AGTPBP1: variants seen among roughly 807,000 people sequenced by gnomAD.
The protein encoded by AGTPBP1 is ATP/GTP binding carboxypeptidase 1, also known as cytosolic carboxypeptidase 1.
AGTPBP1 carries 70 observed loss-of-function variants against 143.9 expected under a neutral mutation model. The ratio of observed to expected loss-of-function variants is 0.49; its 90% CI spans 0.40 to 0.59. AGTPBP1 has a LOEUF of 0.59. AGTPBP1 is among the 20% of genes least tolerant of loss of function. AGTPBP1 has a pLI of 0.00. For missense variants in AGTPBP1, 1,229 were observed against 1,464.5 expected (o/e 0.84, Z 2.62); for synonymous variants, 463 against 500.2 (o/e 0.93, Z 0.99).
intron 23 of AGTPBP1, among the ~76,000 whole-genome samples, chr9:85,584,433 C>A (rs1339987228): frequency 6.6e-6 from 1 of 152,132 alleles, no homozygotes; most frequent in Non-Finnish European, 1.5e-5. Flanking sequence ...GTAGCTTCCA[C>A]AGAAAGGCTA....
intron 5 of AGTPBP1, among the ~76,000 whole-genome samples, chr9:85,678,123 C>T (rs893906481): frequency 1.3e-5 from 2 of 152,120 alleles, no homozygotes; most frequent in African/African-American, 4.8e-5. Context: ...AGGTTCAAGG[C>T]TGTGAAATAC....
At chr9:85,634,193 C>T (rs1318905091) in intron 13 of AGTPBP1, among the ~76,000 whole-genome samples, 1 of 56,320 alleles carries the variant, frequency 1.8e-5, no homozygotes, top group African/African-American at 5.7e-5. Flanking sequence ...GACTCTCTCT[C>T]AAAAAAAAAA....
chr9:85,787,521 G>A, the AGTPBP1 span, among the ~76,000 whole-genome samples: 73 of 152,184 alleles, frequency 4.8e-4, no homozygotes, highest in African/African-American at 1.7e-3. Context: ...CACTGGGGCT[G>A]TAAATATGTC....
intron 25 of AGTPBP1, among the ~76,000 whole-genome samples, chr9:85,569,593 C>G (rs1399084354): frequency 6.6e-6 from 1 of 152,066 alleles, no homozygotes; most frequent in Non-Finnish European, 1.5e-5. Context: ...TTTACTCTAT[C>G]TGTATTATAT....
chr9:85,718,098 T>A (rs1231744580), intron 1 of AGTPBP1, among the ~76,000 whole-genome samples: 1 of 152,218 alleles, frequency 6.6e-6, no homozygotes, highest in Non-Finnish European at 1.5e-5. Flanking sequence ...TATGGGTTGG[T>A]TCCAAGTCTT....
At chr9:85,670,867 A>G (rs968909391) in intron 7 of AGTPBP1, among the ~76,000 whole-genome samples, 1 of 152,066 alleles carries the variant, frequency 6.6e-6, no homozygotes, top group African/African-American at 2.4e-5. Flanking sequence ...TTTCATGTCT[A>G]TACTGTATTC....
Position 85,557,404 on chromosome 9 carries a change from T to C in AGTPBP1, c.3504-10118A>G, listed in dbSNP as rs563972367. Among the ~76,000 whole-genome samples, 11 of 152,314 alleles carry C rather than the reference T, an allele frequency of 7.2e-5. No individual in the cohort carries two copies. In the East Asian group the frequency reaches 2.1e-3, roughly 29 times the overall value. ...AGCACAAATACAAATGGAGCACTTT[T>C]AGTTATAAGCAACTACGATTTCCAA... On this transcript the variant is annotated intron_variant, in intron 25 of 25. Coordinates refer to ENST00000357081, the MANE Select transcript of AGTPBP1 (RefSeq NM_001330701.2).
intron 25 of AGTPBP1, among the ~76,000 whole-genome samples, chr9:85,557,749 A>G (rs1213514298): frequency 6.6e-6 from 1 of 152,250 alleles, no homozygotes; most frequent in East Asian, 1.9e-4. Context: ...CTCAGAAGAC[A>G]GAGTTCCTAT....
At chr9:85,722,733 C>T (rs1210629980) in intron 1 of AGTPBP1, among the ~76,000 whole-genome samples, 1 of 152,190 alleles carries the variant, frequency 6.6e-6, no homozygotes, top group Non-Finnish European at 1.5e-5. Context: ...GAACTGCAAT[C>T]CTTTGGAGGA....
At chr9:85,693,881 A>G (rs906077104) in intron 2 of AGTPBP1, among the ~76,000 whole-genome samples, 1 of 152,124 alleles carries the variant, frequency 6.6e-6, no homozygotes. Context: ...GCCTGAAAGA[A>G]GCAAGTAAAT....
chr9:85,790,745 C>G, the AGTPBP1 span, among the ~76,000 whole-genome samples: 2 of 152,128 alleles, frequency 1.3e-5, no homozygotes, highest in Non-Finnish European at 2.9e-5. Flanking sequence ...TTATGTTCTA[C>G]TGGTTAATTG....
At chr9:85,582,978 C>T (rs1323990600) in intron 23 of AGTPBP1, among the ~76,000 whole-genome samples, 4 of 152,046 alleles carry the variant, frequency 2.6e-5, no homozygotes, top group African/African-American at 4.8e-5. Flanking sequence ...CCTGGATTAT[C>T]TTAGTGGCCC....
At chr9:85,618,593 G>C (rs1830731149) in intron 17 of AGTPBP1, among the ~76,000 whole-genome samples, 1 of 150,790 alleles carries the variant, frequency 6.6e-6, no homozygotes, top group African/African-American at 2.4e-5. Context: ...CTTGGGATTT[G>C]TTTATCCCAA....
upstream of AGTPBP1, among the ~76,000 whole-genome samples, chr9:85,745,724 G>A (rs1170665820): frequency 6.6e-6 from 1 of 152,214 alleles, no homozygotes; most frequent in Non-Finnish European, 1.5e-5. Context: ...AAGGCCAGGT[G>A]TGGTGGCTCA....
At chr9:85,595,392 C>A (rs1291900689) in intron 18 of AGTPBP1, among the ~76,000 whole-genome samples, 1 of 152,128 alleles carries the variant, frequency 6.6e-6, no homozygotes, top group Admixed American at 6.5e-5. Flanking sequence ...TGAACATTAG[C>A]TGGAAACATT....
intron 1 of AGTPBP1, among the ~76,000 whole-genome samples, chr9:85,714,899 C>T (rs1478371707): frequency 6.6e-6 from 1 of 151,960 alleles, no homozygotes; most frequent in Admixed American, 6.6e-5. Context: ...AATATCAAGA[C>T]AACGTGGTGT....
chr9:85,658,345 A>G (rs1833656602), intron 9 of AGTPBP1, among the ~76,000 whole-genome samples: 1 of 152,122 alleles, frequency 6.6e-6, no homozygotes, highest in Admixed American at 6.5e-5. Context: ...ACTCAATTTT[A>G]TTGGAGTAGA....
At chr9:85,753,366 G>A in the AGTPBP1 span, 2 of 1,613,966 alleles carry the variant, frequency 1.2e-6, no homozygotes, top group Non-Finnish European at 8.5e-7. Flanking sequence ...GGACCTTGAT[G>A]CATGTAACTT....
chr9:85,669,014 TACACACAC>T (rs139321417), intron 8 of AGTPBP1, among the ~76,000 whole-genome samples: 36 of 120,514 alleles, frequency 3.0e-4, no homozygotes, highest in African/African-American at 7.6e-4. Flanking sequence ...TGTGTATACA[TACACACAC>T]ACACACACAC....
Sources: gnomAD v4.1 joint callset for allele counts (sites outside exome capture counted in the v4.1 genomes callset) on GRCh38, gnomAD v4.1.1 for gene constraint, MANE v1.5 for transcripts, NCBI Gene and HGNC (gene_info 2026-07-23, HGNC 2026-07-21) for gene names.